CPS1: variants seen among roughly 807,000 people sequenced by gnomAD.
The protein encoded by CPS1 is carbamoyl-phosphate synthase [ammonia], mitochondrial.
CPS1 carries 109 observed loss-of-function variants against 174.6 expected under a neutral mutation model. That is an observed-to-expected ratio of 0.62 (90% CI 0.53 to 0.73). The LOEUF is 0.73. Ranked by LOEUF, CPS1 falls within the 30% of genes least tolerant of loss-of-function variation. The pLI is 0.00. For synonymous variants in CPS1, 637 were observed against 632.0 expected, an observed-to-expected ratio of 1.01 and a Z score of -0.12; for missense variants, 1,689 against 1,821.9, an observed-to-expected ratio of 0.93 and a Z score of 1.33.
intron 21 of CPS1, among the ~76,000 whole-genome samples, chr2:210,622,627 T>C (rs775147899): frequency 9.9e-5 from 15 of 151,882 alleles, no homozygotes; most frequent in Non-Finnish European, 1.5e-4. Context: ...TGGACTCCCC[T>C]TGCTATAAGT....
At chr2:210,502,261 A>C (rs1695158802) in intron 1 of CPS1, among the ~76,000 whole-genome samples, 1 of 151,856 alleles carries the variant, frequency 6.6e-6, no homozygotes, top group Non-Finnish European at 1.5e-5. Context: ...TCTCGAATTA[A>C]TGCTCACAGA....
intron 21 of CPS1, chr2:210,619,855 A>C (rs1699447500): frequency 6.7e-6 from 1 of 150,072 alleles, no homozygotes; most frequent in Non-Finnish European, 1.5e-5. Flanking sequence ...TCTGAAATGA[A>C]GTTCAGAATT....
At chr2:210,665,793 C>T (rs1304600971) in intron 33 of CPS1, among the ~76,000 whole-genome samples, 1 of 148,106 alleles carries the variant, frequency 6.8e-6, no homozygotes, top group African/African-American at 2.5e-5. Flanking sequence ...CATACGTGTG[C>T]ATGTGTCTTT....
In CPS1 at chr2:210,575,346, AT is replaced by A. The variant is rs139654113; in HGVS notation, c.237-996del. 1.1e-3 allele frequency among the ~76,000 whole-genome samples: 171 copies of A among 152,126 alleles called. 2 individuals are homozygous for A. The East Asian group carries it at 0.024, about 22-fold the overall frequency. ...CACAAAAAAGGATTTAGCTTAACTCATTTTGCAGAAAGTGGACATGGAAGAG... is the reference window on the plus strand; with the variant it reads ...CACAAAAAAGGATTTAGCTTAACTCATTTGCAGAAAGTGGACATGGAAGAG... On this transcript the variant is annotated intron_variant, in intron 2 of 37. Coordinates refer to ENST00000233072, the MANE Select transcript of CPS1 (RefSeq NM_001875.5).
At chr2:210,538,178 C>A (rs1696308878) in intron 1 of CPS1, among the ~76,000 whole-genome samples, 1 of 152,040 alleles carries the variant, frequency 6.6e-6, no homozygotes, top group Non-Finnish European at 1.5e-5. Context: ...AATAAGATGC[C>A]ATTTTCAGAG....
intron 3 of CPS1, among the ~76,000 whole-genome samples, chr2:210,576,809 G>T (rs1180927845): frequency 2.6e-5 from 4 of 152,088 alleles, no homozygotes; most frequent in Non-Finnish European, 5.9e-5. Flanking sequence ...ATTTGGTAAT[G>T]AATTCTGTAT....
intron 1 of CPS1, among the ~76,000 whole-genome samples, chr2:210,516,293 G>A (rs547727564): frequency 6.6e-6 from 1 of 151,656 alleles, no homozygotes; most frequent in East Asian, 2.0e-4. Flanking sequence ...CTGTCAGTGG[G>A]GTTTAAGTTC....
chr2:210,502,731 T>G (rs1695179386), intron 1 of CPS1, among the ~76,000 whole-genome samples: 1 of 152,076 alleles, frequency 6.6e-6, no homozygotes, highest in Non-Finnish European at 1.5e-5. Context: ...CCCTTCATAG[T>G]CTCGTGACTT....
At chr2:210,626,214 T>C (rs556100831) in intron 21 of CPS1, among the ~76,000 whole-genome samples, 1 of 152,164 alleles carries the variant, frequency 6.6e-6, no homozygotes, top group Non-Finnish European at 1.5e-5. Context: ...TCCAATTCTT[T>C]ATTTACCATA....
intron 33 of CPS1, among the ~76,000 whole-genome samples, chr2:210,666,247 T>C (rs1242016450): frequency 1.8e-4 from 27 of 148,412 alleles, no homozygotes; most frequent in Non-Finnish European, 2.6e-4. Flanking sequence ...GATGAGTAGG[T>C]TGTGAAAATT....
intron 13 of CPS1, among the ~76,000 whole-genome samples, chr2:210,596,582 C>T (rs1010995253): frequency 1.7e-4 from 26 of 151,958 alleles, no homozygotes; most frequent in Middle Eastern, 3.4e-3. Flanking sequence ...TTTTAATACT[C>T]TCCTCCATTC....
intron 31 of CPS1, 43 bp from the exon 32 acceptor site, chr2:210,660,442 G>T (rs766181577): frequency 6.4e-7 from 1 of 1,573,316 alleles, no homozygotes; most frequent in South Asian, 1.1e-5. Flanking sequence ...GTTGTTACTG[G>T]CTCTCAATGT....
intron 20 of CPS1, among the ~76,000 whole-genome samples, chr2:210,615,963 A>T (rs1699290906): frequency 1.3e-5 from 2 of 152,174 alleles, no homozygotes; most frequent in South Asian, 4.1e-4. Context: ...GTTTGTGTGA[A>T]TGTGGAGTGA....
intron 1 of CPS1, among the ~76,000 whole-genome samples, chr2:210,501,975 G>C (rs893293576): frequency 1.3e-5 from 2 of 152,128 alleles, no homozygotes; most frequent in Non-Finnish European, 2.9e-5. Context: ...AGTTCCACAT[G>C]GCTGGAGAGC....
chr2:210,498,543 A>G (rs143745076), intron 1 of CPS1, among the ~76,000 whole-genome samples: 124 of 152,322 alleles, frequency 8.1e-4, no homozygotes, highest in African/African-American at 2.8e-3. Context: ...TATCAGTTCC[A>G]GGAGCCTTTT....
intron 24 of CPS1, among the ~76,000 whole-genome samples, chr2:210,641,982 A>G (rs976465562): frequency 2.0e-5 from 3 of 152,206 alleles, no homozygotes; most frequent in Non-Finnish European, 4.4e-5. Flanking sequence ...TGGAAAAGAT[A>G]GGACTCTTCA....
intron 1 of CPS1, among the ~76,000 whole-genome samples, chr2:210,539,021 C>T (rs546003183): frequency 1.3e-4 from 20 of 152,040 alleles, no homozygotes; most frequent in Non-Finnish European, 1.8e-4. Context: ...TGTTTTACTG[C>T]GTATATTGTT....
rs187097936 is a variant in CPS1, at chr2:210,498,225, C to G, written c.3+20459C>G. On this transcript the variant is annotated intron_variant, in intron 1 of 38. Transcript: ENST00000430249. ...TATGAAGATGACATATGTTGTATGTCTTCTTGTTAGAAGTGTCTGTCCATG... is the reference window on the plus strand; with the variant it reads ...TATGAAGATGACATATGTTGTATGTGTTCTTGTTAGAAGTGTCTGTCCATG... Among the ~76,000 whole-genome samples, 519 of 151,760 alleles carry G rather than the reference C, an allele frequency of 3.4e-3. 2 individuals carry two copies. The highest frequency in any genetic ancestry group is 5.7e-3 in the Non-Finnish European group (389 of 67,900).
At chr2:210,545,545 C>A (rs1253701147) in intron 1 of CPS1, among the ~76,000 whole-genome samples, 1 of 151,942 alleles carries the variant, frequency 6.6e-6, no homozygotes, top group Non-Finnish European at 1.5e-5. Context: ...TTAAGACTTA[C>A]TATTTTTTAC....
Sources: gnomAD v4.1 joint callset for allele counts (sites outside exome capture counted in the v4.1 genomes callset) on GRCh38, gnomAD v4.1.1 for gene constraint, MANE v1.5 for transcripts, NCBI Gene and HGNC (gene_info 2026-07-23, HGNC 2026-07-21) for gene names.